Variants in LRRFIP1 observed in about 807,000 individuals in gnomAD.
LRRFIP1 encodes the protein leucine-rich repeat flightless-interacting protein 1.
LRRFIP1 carries 62 observed loss-of-function variants against 104.4 expected under a neutral mutation model. The ratio of observed to expected loss-of-function variants is 0.59; its 90% confidence interval spans 0.48 to 0.73. The LOEUF (loss-of-function observed/expected upper bound fraction) is 0.73. LRRFIP1 is among the 30% of genes least tolerant of loss of function. The pLI is 0.00. For missense variants in LRRFIP1, 796 were observed against 824.5 expected, an observed-to-expected ratio of 0.97 and a Z score of 0.42; for synonymous variants, 300 against 299.0, an observed-to-expected ratio of 1.00 and a Z score of -0.03.
At chr2:237,746,348 C>T (rs12474362) in intron 11 of LRRFIP1, among the ~76,000 whole-genome samples, 4,759 of 152,190 alleles carry the variant, frequency 0.031, 144 homozygotes, top group Admixed American at 0.078. Context: ...CAGGAGCTAC[C>T]GCGCCTGGCC....
At chr2:237,640,305 G>A (rs1228990068) in intron 1 of LRRFIP1, among the ~76,000 whole-genome samples, 1 of 151,992 alleles carries the variant, frequency 6.6e-6, no homozygotes, top group Non-Finnish European at 1.5e-5. Context: ...AGTGGGGCTG[G>A]GGACCGTCTA....
intron 12 of LRRFIP1, 79 bp from the exon 13 acceptor site, chr2:237,749,120 G>A: frequency 2.0e-6 from 3 of 1,467,154 alleles, no homozygotes; most frequent in Non-Finnish European, 2.8e-6. Context: ...GGGGATTATG[G>A]GGATTACAAT....
In LRRFIP1 at chr2:237,757,505, C is replaced by T. The variant is rs777839642; in HGVS notation, c.1181C>T (p.Ser394Phe). 2 of 1,595,778 alleles carry T rather than the reference C, an allele frequency of 1.3e-6. No homozygotes were observed. The highest frequency in any genetic ancestry group is 8.5e-7 in the Non-Finnish European group (1 of 1,170,992). Residue 394 changes from serine (S) to phenylalanine (F), a missense_variant, in exon 17 of 24, where the codon TCT becomes TTT. Physicochemically the swap from Ser to Phe is radical, Grantham distance 155 (BLOSUM62 -2). Transcript: ENST00000308482. The part of the protein sequence containing the change: ...QKQASSIREI[S>F]DLQETIEWKD... ...CAGGCGAGTTCTATCAGGGAGATTT[C>T]TGATCTTCAGGAAACAATAGAGTGG...
chr2:237,768,369 G>A (rs1404156562), intron 19 of LRRFIP1: 1 of 152,138 alleles, frequency 6.6e-6, no homozygotes, highest in African/African-American at 2.4e-5. Flanking sequence ...TAGTGCTTAT[G>A]TAGAATATTT....
At chr2:237,678,076 T>C (rs1575403296) in intron 1 of LRRFIP1, among the ~76,000 whole-genome samples, 1 of 152,300 alleles carries the variant, frequency 6.6e-6, no homozygotes, top group East Asian at 1.9e-4. Context: ...AAGGAGAAGT[T>C]CATGAGCTTC....
chr2:237,678,652 C>T (rs1175307448), intron 1 of LRRFIP1, among the ~76,000 whole-genome samples: 1 of 151,918 alleles, frequency 6.6e-6, no homozygotes, highest in Non-Finnish European at 1.5e-5. Context: ...ATTATAGGCA[C>T]CTGCCACCAA....
In LRRFIP1 at chr2:237,757,560, A is replaced by C. The variant is rs1228663901; in HGVS notation, c.1224+12A>C. On this transcript the variant is annotated intron_variant, in intron 17 of 23. Coordinates refer to ENST00000308482, the MANE Select transcript of LRRFIP1 (RefSeq NM_001137550.2). ...ACAAAAAGATAGGGGTAGGATTCCC[A>C]AGTCTTGAAAATCTACTCAAATGGG... The C allele has an allele frequency of 6.5e-6, 10 of 1,548,768 alleles. No homozygotes were observed. The highest frequency in any genetic ancestry group is 8.8e-6 in the Non-Finnish European group (10 of 1,140,286).
At chr2:237,773,473 G>A (rs1373612422) in intron 22 of LRRFIP1, among the ~76,000 whole-genome samples, 1 of 152,158 alleles carries the variant, frequency 6.6e-6, no homozygotes, top group African/African-American at 2.4e-5. Flanking sequence ...GGGTGGCAGA[G>A]GTTGCAGTGA....
intron 11 of LRRFIP1, among the ~76,000 whole-genome samples, chr2:237,747,885 TA>T (rs1223352288): frequency 6.6e-6 from 1 of 152,024 alleles, no homozygotes; most frequent in Non-Finnish European, 1.5e-5. Context: ...AATCTTTGTT[TA>T]AAAAACCCTT....
At chr2:237,641,104 T>A (rs1191476521) in intron 1 of LRRFIP1, among the ~76,000 whole-genome samples, 1 of 152,044 alleles carries the variant, frequency 6.6e-6, no homozygotes, top group East Asian at 1.9e-4. Context: ...ATAATATTCT[T>A]TTAAAAAATG....
rs889979384 is a variant in LRRFIP1, at chr2:237,717,378, G to A, written c.202-384G>A. On this transcript the variant is annotated intron_variant, in intron 3 of 23. Coordinates refer to ENST00000308482, the MANE Select transcript of LRRFIP1 (RefSeq NM_001137550.2). This position sits in a 1 kb window ranked among gnomAD's most constrained non-coding sequence, Gnocchi z 4.2. ...TGGCTCTGAGCTTCTGCTTCTCTTCGATGGTGTTTTATTCCTTCATCGCGT... is the reference window on the plus strand; with the variant it reads ...TGGCTCTGAGCTTCTGCTTCTCTTCAATGGTGTTTTATTCCTTCATCGCGT... 1.3e-5 allele frequency among the ~76,000 whole-genome samples: 2 copies of A among 152,314 alleles called. No homozygotes were observed. The highest frequency in any genetic ancestry group is 3.9e-4 in the East Asian group (2 of 5,194).
At chr2:237,634,168 G>C (rs962821922) in intron 1 of LRRFIP1, among the ~76,000 whole-genome samples, 25 of 152,230 alleles carry the variant, frequency 1.6e-4, no homozygotes, top group Admixed American at 1.3e-3. Flanking sequence ...TAAAACCCAA[G>C]TCCTTAAACA....
At chr2:237,778,932 C>A (rs1338592039) in intron 23 of LRRFIP1, among the ~76,000 whole-genome samples, 4 of 145,072 alleles carry the variant, frequency 2.8e-5, no homozygotes, top group Non-Finnish European at 3.0e-5. Flanking sequence ...AAAAAACAAA[C>A]AAAAAAAGAG....
At chr2:237,641,095 T>A (rs1288657972) in intron 1 of LRRFIP1, among the ~76,000 whole-genome samples, 1 of 151,924 alleles carries the variant, frequency 6.6e-6, no homozygotes, top group Admixed American at 6.6e-5. Context: ...GTTTCATCAA[T>A]AATATTCTTT....
chr2:237,708,616 C>A lies in LRRFIP1; in HGVS notation c.169C>A (p.Arg57=). Residue 57 remains arginine (R), a synonymous_variant, in exon 2 of 24, where the codon CGG becomes AGG. Transcript: ENST00000308482. Reference sequence around the variant, plus strand: ...CGAGATCCGCATGAAGGAGCTGGAGCGGCAGCAGAAGGAGGTAACGCTTGG... The same window carrying A: ...CGAGATCCGCATGAAGGAGCTGGAGAGGCAGCAGAAGGAGGTAACGCTTGG... ...AREIRMKELE[R]QQKEIYQVQK... 6.3e-7 allele frequency: 1 copy of A among 1,599,116 alleles called. No homozygotes were observed.
intron 11 of LRRFIP1, among the ~76,000 whole-genome samples, chr2:237,746,482 G>T (rs1576177975): frequency 6.6e-6 from 1 of 152,176 alleles, no homozygotes; most frequent in East Asian, 1.9e-4. Flanking sequence ...CTGGGGCTCT[G>T]CCAAATGAGA....
chr2:237,660,313 C>A (rs2087644741), intron 1 of LRRFIP1, among the ~76,000 whole-genome samples: 1 of 152,196 alleles, frequency 6.6e-6, no homozygotes. Flanking sequence ...CTGCCCACCC[C>A]ACGCCCCAGC....
At chr2:237,764,666 T>C in intron 19 of LRRFIP1, 1 of 989,038 alleles carries the variant, frequency 1.0e-6, no homozygotes, top group Non-Finnish European at 1.2e-6. Flanking sequence ...AAATAGCAAA[T>C]AGGTCACTGA....
chr2:237,665,240 TA>T (rs886739738), intron 1 of LRRFIP1, among the ~76,000 whole-genome samples: 10 of 151,826 alleles, frequency 6.6e-5, no homozygotes, highest in African/African-American at 2.4e-4. Flanking sequence ...TAATTTAGCT[TA>T]AAAAAAGAAA....
Sources: gnomAD v4.1 joint callset for allele counts (sites outside exome capture counted in the v4.1 genomes callset) on GRCh38, gnomAD v4.1.1 for gene constraint, Gnocchi (gnomAD v3.1) non-coding constraint, MANE v1.5 for transcripts, NCBI Gene and HGNC (gene_info 2026-07-23, HGNC 2026-07-21) for gene names.